The following MESD variants were observed in gnomAD, a reference collection of about 807,000 sequenced individuals.
The protein encoded by MESD is LRP chaperone MESD.
In MESD, 7 loss-of-function variants were observed where a neutral mutation model predicts 12.9. That is an observed-to-expected ratio of 0.54 (90% CI 0.31 to 1.02). MESD has a LOEUF of 1.02. MESD is among the 50% of genes least tolerant of loss of function. The pLI, the probability that MESD is intolerant of heterozygous loss-of-function variation, is 0.05. For missense variants in MESD, 342 were observed against 296.7 expected (o/e 1.15, Z -1.12); for synonymous variants, 126 against 115.6 (o/e 1.09, Z -0.58).
At chr15:80,952,553 C>T (rs1225273665) in intron 3 of MESD, among the ~76,000 whole-genome samples, 1 of 152,080 alleles carries the variant, frequency 6.6e-6, no homozygotes, top group Non-Finnish European at 1.5e-5. Flanking sequence ...GAGAGTTCTT[C>T]TCTTGATTTC....
Position 80,989,817 on chromosome 15 carries a change from G to A in MESD, c.-26C>T, listed in dbSNP as rs753562652. On this transcript the variant is annotated 5_prime_UTR_variant, in exon 1 of 3. Transcript: ENST00000261758. ...TTTCGCTGCGCCGCGCAGCGCCCTA[G>A]ACGCGCTTACCCGACCTGCGCGGGC... is the stretch of plus-strand genomic sequence containing the variant. The A allele has an allele frequency of 4.5e-6, 7 of 1,542,230 alleles. No homozygotes were observed. The African/African-American group carries it at 6.8e-5, about 15-fold the overall frequency.
chr15:80,984,093 G>C (rs1474308710), intron 1 of MESD, among the ~76,000 whole-genome samples: 2 of 151,950 alleles, frequency 1.3e-5, no homozygotes, highest in African/African-American at 4.8e-5. Flanking sequence ...TAGAGACGGG[G>C]TTTTGCCATG....
intron 1 of MESD, among the ~76,000 whole-genome samples, chr15:80,985,336 C>G (rs1902699762): frequency 6.6e-6 from 1 of 152,110 alleles, no homozygotes; most frequent in African/African-American, 2.4e-5. Flanking sequence ...GATGTAATGA[C>G]TTAAAGGCAA....
At chr15:80,970,207 G>T (rs578182466) in intron 3 of MESD, among the ~76,000 whole-genome samples, 1 of 152,280 alleles carries the variant, frequency 6.6e-6, no homozygotes, top group African/African-American at 2.4e-5. Flanking sequence ...AAGCCGTGAG[G>T]CACAGCTGGT....
downstream of MESD, chr15:80,947,187 C>A: frequency 1.5e-6 from 1 of 676,260 alleles, no homozygotes; most frequent in Non-Finnish European, 2.7e-6. Context: ...GTGGGTACAA[C>A]CTAAGAATCC....
intron 3 of MESD, among the ~76,000 whole-genome samples, chr15:80,957,599 A>C (rs968544849): frequency 7.4e-5 from 11 of 148,796 alleles, no homozygotes; most frequent in Non-Finnish European, 1.3e-4. Flanking sequence ...TCCACTGCAA[A>C]ACACACACAC....
downstream of MESD, among the ~76,000 whole-genome samples, chr15:80,974,061 T>C (rs1354544596): frequency 4.0e-5 from 6 of 149,510 alleles, no homozygotes; most frequent in African/African-American, 9.8e-5. Context: ...CAATTATGGT[T>C]CCCCCCCCCA....
At chr15:80,951,280 A>AGAGTT (rs1234092077) in intron 4 of MESD, 1 of 152,692 alleles carries the variant, frequency 6.5e-6, no homozygotes, top group African/African-American at 2.4e-5. Flanking sequence ...GAAAGTTCTC[A>AGAGTT]GAGTTGTACA....
At chr15:80,956,020 T>C (rs1327189779) in intron 3 of MESD, among the ~76,000 whole-genome samples, 2 of 151,754 alleles carry the variant, frequency 1.3e-5, no homozygotes, top group South Asian at 2.1e-4. Flanking sequence ...CAAAACCTCA[T>C]CTCTACAAAA....
intron 2 of MESD, among the ~76,000 whole-genome samples, chr15:80,981,455 A>C (rs1285155075): frequency 2.0e-5 from 3 of 150,910 alleles, no homozygotes; most frequent in Non-Finnish European, 4.4e-5. Context: ...AAAAAAAAAA[A>C]ACAAACTAGA....
chr15:80,958,733 G>A (rs1902032043), intron 3 of MESD, among the ~76,000 whole-genome samples: 1 of 152,148 alleles, frequency 6.6e-6, no homozygotes, highest in African/African-American at 2.4e-5. Context: ...TAAACAATCT[G>A]CAGAGGCCTT....
intron 3 of MESD, among the ~76,000 whole-genome samples, chr15:80,958,423 C>A (rs986905530): frequency 1.3e-5 from 2 of 152,182 alleles, no homozygotes; most frequent in African/African-American, 2.4e-5. Flanking sequence ...CTTCACCTCC[C>A]AGGTTCAAGC....
chr15:80,965,212 T>C (rs1596227988), intron 3 of MESD, among the ~76,000 whole-genome samples: 1 of 152,212 alleles, frequency 6.6e-6, no homozygotes, highest in South Asian at 2.1e-4. Context: ...AAAATGTTCA[T>C]GATCACTGGT....
At chr15:80,951,181 A>C (rs1305252959) in intron 4 of MESD, 1 of 152,674 alleles carries the variant, frequency 6.5e-6, no homozygotes, top group East Asian at 1.9e-4. Flanking sequence ...AGGGTCTCAC[A>C]CTGTGAACCA....
chr15:80,974,239 C>G (rs960251832), downstream of MESD, among the ~76,000 whole-genome samples: 1 of 152,018 alleles, frequency 6.6e-6, no homozygotes, highest in Admixed American at 6.5e-5. Flanking sequence ...CAGCTCCTGG[C>G]GAAGCAGACA....
intron 3 of MESD, among the ~76,000 whole-genome samples, chr15:80,962,074 G>C (rs749820554): frequency 1.3e-5 from 2 of 152,230 alleles, no homozygotes; most frequent in Non-Finnish European, 2.9e-5. Flanking sequence ...AGACCCATCA[G>C]TGTGCTGTAT....
At chr15:80,952,240 C>T (rs1430202070) in exon 4 of MESD, 11 of 456,104 alleles carry the variant, frequency 2.4e-5, no homozygotes, top group Middle Eastern at 3.3e-4. Flanking sequence ...AACTGGCAGA[C>T]GAGAGGCAGG....
At chr15:80,970,421 C>T (rs1336154039) in intron 3 of MESD, 3 of 152,220 alleles carry the variant, frequency 2.0e-5, no homozygotes, top group East Asian at 1.9e-4. Flanking sequence ...TCGCTGGCCT[C>T]GTGATCACTG....
At chr15:80,974,118 G>A (rs780724160), downstream of MESD, among the ~76,000 whole-genome samples, 41 of 152,308 alleles carry the variant, frequency 2.7e-4, 1 homozygote, top group Middle Eastern at 6.8e-3. Context: ...AGCCACAGGA[G>A]AGCAGAGGCT....
Sources: gnomAD v4.1 joint callset for allele counts (sites outside exome capture counted in the v4.1 genomes callset) on GRCh38, gnomAD v4.1.1 for gene constraint, MANE v1.5 for transcripts, NCBI Gene and HGNC (gene_info 2026-07-23, HGNC 2026-07-21) for gene names.